CDH17: variants seen among roughly 807,000 people sequenced by gnomAD.
CDH17 encodes cadherin 17.
Under a neutral mutation model 86.3 loss-of-function variants are expected in CDH17, and 67 were observed. The ratio of observed to expected loss-of-function variants is 0.78; its 90% CI spans 0.64 to 0.95. The LOEUF (loss-of-function observed/expected upper bound fraction) is 0.95, where lower values mean the gene tolerates loss of function less well. CDH17 is among the 40% of genes least tolerant of loss of function. CDH17 has a pLI of 0.00. For missense variants in CDH17, 993 were observed against 1,017.6 expected (o/e 0.98, Z 0.33); for synonymous variants, 367 against 366.4 (o/e 1.00, Z -0.02).
At chr8:94,201,539 G>A (rs961350299) in intron 1 of CDH17, among the ~76,000 whole-genome samples, 1 of 152,192 alleles carries the variant, frequency 6.6e-6, no homozygotes, top group African/African-American at 2.4e-5. Flanking sequence ...AAGGAGAGAG[G>A]TGCACAGAAG....
At chr8:94,134,324 A>G (rs1476109846) in intron 15 of CDH17, among the ~76,000 whole-genome samples, 1 of 152,168 alleles carries the variant, frequency 6.6e-6, no homozygotes, top group South Asian at 2.1e-4. Context: ...TATTGCCTCA[A>G]TTTCAGAGCC....
intron 12 of CDH17, among the ~76,000 whole-genome samples, chr8:94,154,640 G>T (rs1399020607): frequency 6.6e-6 from 1 of 152,102 alleles, no homozygotes; most frequent in Non-Finnish European, 1.5e-5. Context: ...CTTCAGGAGT[G>T]GGCTTACTGC....
chr8:94,209,480 G>A (rs995432900), upstream of CDH17, among the ~76,000 whole-genome samples: 1 of 152,162 alleles, frequency 6.6e-6, no homozygotes, highest in Non-Finnish European at 1.5e-5. Context: ...AAGCAAGAGA[G>A]CCCAGCCCAC....
At position 94,170,967 on chromosome 8, in the gene CDH17, C is replaced by G; in HGVS notation, c.802G>C (p.Gly268Arg). Residue 268 changes from glycine (G) to arginine (R), a missense_variant, in exon 8 of 18, where the codon GGT becomes CGT. Coordinates refer to ENST00000027335, the MANE Select transcript of CDH17 (RefSeq NM_004063.4). ...TTGTCAACTAAGGAATATTGTGCACCGGGATCATTCCACCGCACCTACAGG... is the reference window on the plus strand; with the variant it reads ...TTGTCAACTAAGGAATATTGTGCACGGGGATCATTCCACCGCACCTACAGG... The part of the protein sequence containing the change: ...KITQVRWNDP[G>R]AQYSLVDKEK... The G allele has an allele frequency of 6.2e-7, 1 of 1,613,442 alleles. No individual in the cohort carries two copies. Among genetic ancestry groups the G allele is most frequent in the Non-Finnish European group, 8.5e-7 (1 of 1,179,674 alleles).
At chr8:94,179,873 G>C (rs990827494) in intron 3 of CDH17, among the ~76,000 whole-genome samples, 2 of 152,164 alleles carry the variant, frequency 1.3e-5, no homozygotes, top group African/African-American at 4.8e-5. Context: ...ATGATTTCTA[G>C]AGTTGCCACA....
rs1813317345 is a variant in CDH17 at position 94,173,860 on chromosome 8, T to C, written c.720A>G (p.Lys240=). 6.2e-7 allele frequency: 1 copy of C among 1,613,966 alleles called. No individual in the cohort carries two copies. Among genetic ancestry groups the C allele is most frequent in the Non-Finnish European group, 8.5e-7 (1 of 1,179,894 alleles). Residue 240 remains lysine (K), a synonymous_variant, in exon 7 of 18, where the codon AAA becomes AAG. Transcript: ENST00000027335. The part of the protein sequence containing the change: ...VDIIVTENIW[K]APKPVEMVEN... ...CCACCATCTCCACAGGTTTTGGTGC[T>C]TTCCAAATATTCTCTGTCACTATGA... is the stretch of plus-strand genomic sequence containing the variant.
intron 3 of CDH17, among the ~76,000 whole-genome samples, chr8:94,186,499 C>A (rs994950553): frequency 2.0e-5 from 3 of 152,264 alleles, no homozygotes; most frequent in Middle Eastern, 3.4e-3. Context: ...CAAACAGGCA[C>A]CCCCAAGCGT....
chr8:94,152,605 C>G (rs939707681), intron 12 of CDH17, among the ~76,000 whole-genome samples: 4 of 152,178 alleles, frequency 2.6e-5, no homozygotes, highest in African/African-American at 9.7e-5. Flanking sequence ...ACCATGTTGG[C>G]CAGGCTGGTC....
chr8:94,129,816 A>G (rs1812373737), intron 17 of CDH17, among the ~76,000 whole-genome samples: 1 of 152,212 alleles, frequency 6.6e-6, no homozygotes, highest in Non-Finnish European at 1.5e-5. Context: ...TTTGTTTCAT[A>G]CACAATATTA....
intron 4 of CDH17, among the ~76,000 whole-genome samples, chr8:94,177,004 C>T (rs755573098): frequency 5.3e-5 from 8 of 152,176 alleles, no homozygotes; most frequent in Non-Finnish European, 8.8e-5. Context: ...GCCATTATGG[C>T]GGTCAGCCTG....
At chr8:94,166,135 T>A (rs1207188173) in intron 9 of CDH17, among the ~76,000 whole-genome samples, 159 bp from the exon 10 acceptor site, 1 of 139,174 alleles carries the variant, frequency 7.2e-6, no homozygotes, top group East Asian at 1.9e-4. Context: ...CATCCTATCA[T>A]GTAATGGGTT....
intron 15 of CDH17, among the ~76,000 whole-genome samples, chr8:94,133,932 G>A (rs772247474): frequency 6.6e-5 from 10 of 152,116 alleles, no homozygotes; most frequent in Non-Finnish European, 1.3e-4. Flanking sequence ...TTTGTCATTG[G>A]TTTTTCTTAT....
chr8:94,170,724 A>G, intron 8 of CDH17, 130 bp downstream of exon 8: 2 of 1,376,312 alleles, frequency 1.5e-6, no homozygotes, highest in Middle Eastern at 1.9e-4. Context: ...ATGTCTTTGA[A>G]AACCAATAAT....
chr8:94,207,719 C>T (rs1814056737), intron 1 of CDH17, among the ~76,000 whole-genome samples: 1 of 152,136 alleles, frequency 6.6e-6, no homozygotes, highest in Non-Finnish European at 1.5e-5. Flanking sequence ...CATCCCCTAC[C>T]ACAGAGGGCA....
chr8:94,204,243 G>C (rs530013968), intron 1 of CDH17, among the ~76,000 whole-genome samples: 1 of 152,066 alleles, frequency 6.6e-6, no homozygotes, highest in Admixed American at 6.6e-5. Flanking sequence ...CCATCAACCC[G>C]TCATTTAGGT....
chr8:94,128,455 T>C, intron 17 of CDH17, 115 bp from the exon 18 acceptor site: 1 of 669,834 alleles, frequency 1.5e-6, no homozygotes, highest in African/African-American at 1.8e-5. Context: ...TTTTTGTATG[T>C]GATTCAACAA....
rs1813638052 is a variant in CDH17, at chr8:94,189,201, G to C, written c.136C>G (p.Gln46Glu). The C allele has an allele frequency of 6.2e-7, 1 of 1,612,082 alleles. No homozygotes were observed. The highest frequency in any genetic ancestry group is 8.5e-7 in the Non-Finnish European group (1 of 1,179,066). Residue 46 changes from glutamine (Q) to glutamate (E), a missense_variant, in exon 3 of 18, where the codon CAA becomes GAA. By Grantham distance (29) the Gln-to-Glu change is conservative (BLOSUM62 2). Coordinates refer to ENST00000027335, the MANE Select transcript of CDH17 (RefSeq NM_004063.4). Reference protein sequence around the residue: ...FSIYEGQEPSQIIFQFKANPP... With the variant: ...FSIYEGQEPSEIIFQFKANPP... ...GTAGCTTTTACCTGGAATATAATTT[G>C]ACTCGGTTCTTGGCCTTCATAAATA...
intron 2 of CDH17, among the ~76,000 whole-genome samples, 192 bp downstream of exon 2, chr8:94,194,443 A>C (rs996927409): frequency 5.3e-5 from 8 of 152,238 alleles, no homozygotes; most frequent in African/African-American, 1.4e-4. Flanking sequence ...TCGAGGGCAG[A>C]CATGTGATTT....
intron 2 of CDH17, among the ~76,000 whole-genome samples, chr8:94,190,789 C>T (rs1486555383): frequency 6.6e-6 from 1 of 152,208 alleles, no homozygotes; most frequent in Non-Finnish European, 1.5e-5. Flanking sequence ...CTGCTCCCTG[C>T]TGGGAATACC....
Sources: gnomAD v4.1 joint callset for allele counts (sites outside exome capture counted in the v4.1 genomes callset) on GRCh38, gnomAD v4.1.1 for gene constraint, MANE v1.5 for transcripts, NCBI Gene and HGNC (gene_info 2026-07-23, HGNC 2026-07-21) for gene names.